RBM45: variants seen among roughly 807,000 people sequenced by gnomAD.
The protein encoded by RBM45 is RNA binding motif protein 45.
In RBM45, 39 loss-of-function variants were observed where a neutral mutation model predicts 58.5. The observed-to-expected ratio is 0.67, with a 90% confidence interval of 0.52 to 0.87. The LOEUF is 0.87. Ranked by LOEUF, RBM45 falls within the 40% of genes least tolerant of loss-of-function variation. RBM45 has a pLI of 0.00. For missense variants in RBM45, 481 were observed against 581.6 expected, an observed-to-expected ratio of 0.83 and a Z score of 1.78; for synonymous variants, 193 against 203.0, an observed-to-expected ratio of 0.95 and a Z score of 0.42.
chr2:178,113,043 A>G (rs1319320814), intron 1 of RBM45, among the ~76,000 whole-genome samples, 197 bp downstream of exon 1: 1 of 152,158 alleles, frequency 6.6e-6, no homozygotes, highest in East Asian at 1.9e-4. Context: ...GTTGCAGGGA[A>G]GGGGACGGGA....
intron 5 of RBM45, among the ~76,000 whole-genome samples, chr2:178,121,818 A>G (rs1246230102): frequency 6.6e-6 from 1 of 152,166 alleles, no homozygotes; most frequent in Non-Finnish European, 1.5e-5. Context: ...CCAAGCATCT[A>G]AATGCCCTGC....
intron 5 of RBM45, among the ~76,000 whole-genome samples, chr2:178,122,957 T>G (rs2105905597): frequency 6.6e-6 from 1 of 152,300 alleles, no homozygotes; most frequent in South Asian, 2.1e-4. Context: ...ATCACCCTCC[T>G]AAATTGAAAT....
At chr2:178,125,012 G>A (rs1273781363) in intron 8 of RBM45, among the ~76,000 whole-genome samples, 1 of 151,520 alleles carries the variant, frequency 6.6e-6, no homozygotes, top group African/African-American at 2.4e-5. Flanking sequence ...TTTCTTTTAG[G>A]CCTTTTTCCC....
chr2:178,115,564 A>G (rs541967184), intron 1 of RBM45, among the ~76,000 whole-genome samples: 1 of 152,326 alleles, frequency 6.6e-6, no homozygotes, highest in East Asian at 1.9e-4. Flanking sequence ...CTATAAAGGG[A>G]TATGTCTCTA....
At chr2:178,131,012 C>T (rs1320692851), downstream of RBM45, among the ~76,000 whole-genome samples, 1 of 152,160 alleles carries the variant, frequency 6.6e-6, no homozygotes, top group African/African-American at 2.4e-5. Flanking sequence ...GAGGCTGAGG[C>T]GGTAGGAGTG....
At chr2:178,120,164 C>A in intron 3 of RBM45, 123 bp from the exon 4 acceptor site, 1 of 1,215,888 alleles carries the variant, frequency 8.2e-7, no homozygotes, top group South Asian at 1.3e-5. Flanking sequence ...GAGGAGATGG[C>A]CATTGTATAG....
chr2:178,119,483 C>T (rs2087820744), intron 3 of RBM45, among the ~76,000 whole-genome samples: 1 of 152,156 alleles, frequency 6.6e-6, no homozygotes, highest in Non-Finnish European at 1.5e-5. Context: ...TAACTAGGTA[C>T]ATTGGAACAT....
chr2:178,127,275 C>T (rs574128973), intron 9 of RBM45, among the ~76,000 whole-genome samples: 3 of 152,276 alleles, frequency 2.0e-5, no homozygotes, highest in Admixed American at 1.3e-4. Flanking sequence ...CAGGGGAAGC[C>T]GTTTTCCTGT....
At position 178,118,200 on chromosome 2, in the gene RBM45, T is replaced by TC; in HGVS notation, c.550+19_550+20insC. 1 of 1,577,724 alleles carries TC rather than the reference T, an allele frequency of 6.3e-7. No homozygotes were observed. The highest frequency in any genetic ancestry group is 8.6e-7 in the Non-Finnish European group (1 of 1,163,552). On this transcript the variant is annotated intron_variant, in intron 3 of 9. Coordinates refer to ENST00000286070, the MANE Select transcript of RBM45 (RefSeq NM_152945.4). ...GATCGAAGTAAGGATGTGTTTAACA[T>TC]TGTTAAAAACTTTTGTAAAAAATTC...
chr2:178,112,795 G>T lies in RBM45; in HGVS notation c.249G>T (p.Met83Ile). 6.2e-7 allele frequency: 1 copy of T among 1,613,820 alleles called. No homozygotes were observed. The highest frequency in any genetic ancestry group is 8.5e-7 in the Non-Finnish European group (1 of 1,179,928). ...FARSSQACRA[M>I]EEMHGQCLGP... ...GCAGCTCACAGGCCTGCAGGGCCAT[G>T]GAGGAGATGCATGGCCAGTGCCTCG... Residue 83 changes from methionine (M) to isoleucine (I), a missense_variant, in exon 1 of 10, where the codon ATG becomes ATT. Transcript: ENST00000286070.
At chr2:178,115,978 C>A (rs2087768962) in intron 1 of RBM45, among the ~76,000 whole-genome samples, 1 of 151,840 alleles carries the variant, frequency 6.6e-6, no homozygotes, top group South Asian at 2.1e-4. Context: ...CATAGCAAGA[C>A]CTTGTCTCTA....
At chr2:178,137,531 C>G (rs1004788296) in exon 4 of RBM45, 2 of 152,150 alleles carry the variant, frequency 1.3e-5, no homozygotes, top group African/African-American at 4.8e-5. Context: ...AGCTAACTTG[C>G]TACACTTATA....
At position 178,112,531 on chromosome 2, in the gene RBM45, AT is replaced by A. The variant is rs1464377807; in HGVS notation, c.-14del. The A allele has an allele frequency of 6.2e-7, 1 of 1,606,658 alleles. No homozygotes were observed. The highest frequency in any genetic ancestry group is 8.5e-7 in the Non-Finnish European group (1 of 1,175,554). On this transcript the variant is annotated 5_prime_UTR_variant, in exon 1 of 10. Transcript: ENST00000286070. ...AAGCAAAGAGCAGTGAGGCTCCTGCATTCGGGTGGAGCACCATGGACGAAGC... is the reference window on the plus strand; with the variant it reads ...AAGCAAAGAGCAGTGAGGCTCCTGCATCGGGTGGAGCACCATGGACGAAGC...
chr2:178,124,318 T>A, intron 8 of RBM45, 28 bp downstream of exon 8: 1 of 1,375,340 alleles, frequency 7.3e-7, no homozygotes, highest in Non-Finnish European at 1.0e-6. Flanking sequence ...TTTGTTATAT[T>A]TTATTTACAC....
At chr2:178,137,112 T>C (rs530211036) in exon 4 of RBM45, 1 of 152,302 alleles carries the variant, frequency 6.6e-6, no homozygotes, top group East Asian at 1.9e-4. Flanking sequence ...AATTTGATAG[T>C]TAATATAAGC....
intron 2 of RBM45, among the ~76,000 whole-genome samples, chr2:178,117,377 A>G (rs1345275020): frequency 6.6e-6 from 1 of 152,186 alleles, no homozygotes; most frequent in Non-Finnish European, 1.5e-5. Flanking sequence ...TTACATAAGA[A>G]TTTATAAAAT....
chr2:178,116,638 C>T (rs904892619), intron 2 of RBM45, among the ~76,000 whole-genome samples: 4 of 152,104 alleles, frequency 2.6e-5, no homozygotes, highest in South Asian at 2.1e-4. Flanking sequence ...AGTAGAGATT[C>T]GCAGAAATGA....
intron 5 of RBM45, among the ~76,000 whole-genome samples, chr2:178,122,815 G>A (rs1009749020): frequency 2.0e-5 from 3 of 151,886 alleles, no homozygotes; most frequent in African/African-American, 7.3e-5. Flanking sequence ...TTGGATGCTT[G>A]GGTTTCCAGA....
intron 3 of RBM45, among the ~76,000 whole-genome samples, chr2:178,136,182 C>A (rs372454980): frequency 2.0e-5 from 3 of 152,218 alleles, no homozygotes; most frequent in East Asian, 3.9e-4. Flanking sequence ...TGGTGGCGGG[C>A]GCCTGTAGTC....
Sources: gnomAD v4.1 joint callset for allele counts (sites outside exome capture counted in the v4.1 genomes callset) on GRCh38, gnomAD v4.1.1 for gene constraint, MANE v1.5 for transcripts, NCBI Gene and HGNC (gene_info 2026-07-23, HGNC 2026-07-21) for gene names.